Variants in LUZP2 observed in about 807,000 individuals in gnomAD.
LUZP2 encodes leucine zipper protein 2.
LUZP2 carries 52 observed loss-of-function variants against 51.6 expected under a neutral mutation model. That is an observed-to-expected ratio of 1.01 (90% CI 0.81 to 1.27). The LOEUF is 1.27. Ranked by LOEUF, LUZP2 falls within the 50% of genes most tolerant of loss-of-function variation. The pLI is 0.00. For missense variants in LUZP2, 436 were observed against 395.4 expected (o/e 1.10, Z -0.87); for synonymous variants, 154 against 137.3 (o/e 1.12, Z -0.85).
intron 1 of LUZP2, among the ~76,000 whole-genome samples, chr11:24,577,912 G>C (rs1260363838): frequency 1.3e-5 from 2 of 152,034 alleles, no homozygotes; most frequent in African/African-American, 2.4e-5. Context: ...GTTTTATTTT[G>C]CTCAAATGAT....
intron 9 of LUZP2, among the ~76,000 whole-genome samples, chr11:25,036,040 G>A (rs1348547069): frequency 6.6e-6 from 1 of 151,968 alleles, no homozygotes; most frequent in African/African-American, 2.4e-5. Flanking sequence ...CAGTAAGATT[G>A]GTATCCATTC....
chr11:24,762,674 C>CA (rs1476590356), intron 4 of LUZP2, among the ~76,000 whole-genome samples: 1 of 152,036 alleles, frequency 6.6e-6, no homozygotes, highest in Non-Finnish European at 1.5e-5. Context: ...CCATTTTTTA[C>CA]AAAGCACTCG....
intron 5 of LUZP2, among the ~76,000 whole-genome samples, chr11:24,838,781 G>A (rs1850935861): frequency 6.6e-6 from 1 of 151,472 alleles, no homozygotes; most frequent in African/African-American, 2.4e-5. Context: ...TGGGACCACT[G>A]GCACTTTGAG....
intron 5 of LUZP2, among the ~76,000 whole-genome samples, chr11:24,872,475 G>T (rs1239976529): frequency 1.3e-5 from 2 of 151,952 alleles, no homozygotes; most frequent in Non-Finnish European, 2.9e-5. Flanking sequence ...CCATTCAAGG[G>T]GATTAAAATA....
intron 1 of LUZP2, among the ~76,000 whole-genome samples, chr11:24,574,315 TCC>T: frequency 1.9e-3 from 2 of 1,038 alleles, no homozygotes; most frequent in South Asian, 0.04. Flanking sequence ...TTCTTTTCCC[TCC>T]CTCCCTCCCT....
At chr11:24,588,883 T>G (rs1207633017) in intron 1 of LUZP2, among the ~76,000 whole-genome samples, 1 of 152,158 alleles carries the variant, frequency 6.6e-6, no homozygotes, top group East Asian at 1.9e-4. Flanking sequence ...CACTTCATAT[T>G]CCATGTTATT....
intron 5 of LUZP2, among the ~76,000 whole-genome samples, chr11:24,810,789 C>T (rs1453193925): frequency 6.6e-6 from 1 of 152,104 alleles, no homozygotes; most frequent in Non-Finnish European, 1.5e-5. Context: ...AAAGGATAAG[C>T]CATGAAACCA....
At chr11:24,619,597 G>A (rs991775762) in intron 1 of LUZP2, among the ~76,000 whole-genome samples, 7 of 152,082 alleles carry the variant, frequency 4.6e-5, no homozygotes, top group Admixed American at 4.6e-4. Flanking sequence ...ATTATAGTTA[G>A]TACAGTTATC....
rs530631531 is a variant in LUZP2 at position 24,851,181 on chromosome 11, G to A, written c.397-54810G>A. Among the ~76,000 whole-genome samples, 5 of 152,240 alleles carry A rather than the reference G, an allele frequency of 3.3e-5. No homozygotes were observed. The South Asian group carries it at 1.0e-3, about 32-fold the overall frequency. On this transcript the variant is annotated intron_variant, in intron 5 of 11. Transcript: ENST00000336930. Reference sequence around the variant, plus strand: ...AGAAGTGGTGAGAGAGGGCATCCTTGTCTTGTGCCCATTTTCAAAGGGAAT... The same window carrying A: ...AGAAGTGGTGAGAGAGGGCATCCTTATCTTGTGCCCATTTTCAAAGGGAAT...
At chr11:24,518,455 TC>T (rs1418814743) in intron 1 of LUZP2, among the ~76,000 whole-genome samples, 4 of 152,204 alleles carry the variant, frequency 2.6e-5, no homozygotes, top group Non-Finnish European at 4.4e-5. Context: ...GGGTGTTTTA[TC>T]CTTTCTGTAA....
At chr11:24,763,037 G>T in intron 4 of LUZP2, 1 of 678,786 alleles carries the variant, frequency 1.5e-6, no homozygotes, top group Non-Finnish European at 1.8e-6. Context: ...TAAATAGTTT[G>T]TTAAATGAAA....
chr11:24,866,448 G>C (rs1282396864), intron 5 of LUZP2, among the ~76,000 whole-genome samples: 2 of 152,072 alleles, frequency 1.3e-5, no homozygotes, highest in Non-Finnish European at 2.9e-5. Flanking sequence ...TTTCTAAGGG[G>C]AAACTGCTCA....
intron 7 of LUZP2, among the ~76,000 whole-genome samples, chr11:24,959,893 T>C (rs1475356393): frequency 1.3e-5 from 2 of 152,232 alleles, no homozygotes; most frequent in Non-Finnish European, 2.9e-5. Flanking sequence ...GGGTTTGTCA[T>C]AGATAGCTCT....
chr11:24,842,211 A>G (rs61894119), intron 5 of LUZP2, among the ~76,000 whole-genome samples: 25,450 of 148,988 alleles, frequency 0.17, 2,265 homozygotes, highest in South Asian at 0.31. Flanking sequence ...TTTCAATTAT[A>G]TTTATATTAT....
chr11:24,562,153 A>G (rs1229648388), intron 1 of LUZP2, among the ~76,000 whole-genome samples: 1 of 152,122 alleles, frequency 6.6e-6, no homozygotes, highest in Admixed American at 6.5e-5. Flanking sequence ...AACACAGAGT[A>G]ACAGAGTAGG....
At chr11:24,877,116 C>G (rs1852296879) in intron 5 of LUZP2, among the ~76,000 whole-genome samples, 1 of 152,116 alleles carries the variant, frequency 6.6e-6, no homozygotes, top group Non-Finnish European at 1.5e-5. Context: ...ATATGTAATA[C>G]TATAATGTGA....
intron 1 of LUZP2, among the ~76,000 whole-genome samples, chr11:24,716,964 A>T (rs11028119): frequency 0.028 from 4,283 of 152,132 alleles, 187 homozygotes; most frequent in African/African-American, 0.097. Context: ...GCTTTCAAAA[A>T]CTCATTAATC....
intron 9 of LUZP2, among the ~76,000 whole-genome samples, chr11:25,038,351 C>T (rs1857930085): frequency 6.6e-6 from 1 of 152,114 alleles, no homozygotes; most frequent in Admixed American, 6.6e-5. Flanking sequence ...ATACCTGCTA[C>T]CACAAAAATA....
intron 2 of LUZP2, among the ~76,000 whole-genome samples, chr11:24,730,737 C>A (rs866929562): frequency 1.3e-5 from 2 of 151,762 alleles, no homozygotes; most frequent in Non-Finnish European, 2.9e-5. Flanking sequence ...GAATACTCAG[C>A]CTTTCTATGC....
Sources: allele counts gnomAD v4.1 joint callset (sites outside exome capture counted in the v4.1 genomes callset), GRCh38; gene constraint gnomAD v4.1.1; transcripts MANE v1.5; gene names NCBI Gene and HGNC (gene_info 2026-07-23, HGNC 2026-07-21).